PTPRT: variants seen among roughly 807,000 people sequenced by gnomAD.
PTPRT encodes protein tyrosine phosphatase receptor type T, also known as receptor-type tyrosine-protein phosphatase T.
In PTPRT, 56 loss-of-function variants were observed where a neutral mutation model predicts 176.8. The observed-to-expected ratio is 0.32, with a 90% confidence interval of 0.26 to 0.40. The LOEUF (loss-of-function observed/expected upper bound fraction) is 0.40. Ranked by LOEUF, PTPRT falls within the 10% of genes least tolerant of loss-of-function variation. The pLI is 1.00. For missense variants in PTPRT, 1,540 were observed against 1,908.2 expected, an observed-to-expected ratio of 0.81 and a Z score of 3.60; for synonymous variants, 783 against 739.0, an observed-to-expected ratio of 1.06 and a Z score of -0.96.
chr20:42,107,481 TC>T (rs1312034586), intron 23 of PTPRT, among the ~76,000 whole-genome samples: 2 of 152,228 alleles, frequency 1.3e-5, no homozygotes, highest in Non-Finnish European at 2.9e-5. Flanking sequence ...GGATCAAGTT[TC>T]TTGATACATA....
rs1280790254 is a variant in PTPRT at position 42,616,824 on chromosome 20, T to A, written c.1153+61042A>T. ...AATTTGCTGAAGTTGCTTAACAGCTTAAGGAGATTTTGGGCTGAGACAATG... is the reference window on the plus strand; with the variant it reads ...AATTTGCTGAAGTTGCTTAACAGCTAAAGGAGATTTTGGGCTGAGACAATG... On this transcript the variant is annotated intron_variant, in intron 7 of 30. Coordinates refer to ENST00000373187, the MANE Select transcript of PTPRT (RefSeq NM_007050.6). 2.5e-4 allele frequency among the ~76,000 whole-genome samples: 35 copies of A among 137,502 alleles called. 11 individuals are homozygous for A. Among genetic ancestry groups the A allele is most frequent in the African/African-American group, 1.1e-3 (33 of 31,298 alleles). The allele number at this position is 137,502 out of a possible 152,430, so 90.2% of individuals were successfully genotyped here.
At chr20:42,140,302 G>A (rs1012768217) in intron 18 of PTPRT, among the ~76,000 whole-genome samples, 1 of 152,138 alleles carries the variant, frequency 6.6e-6, no homozygotes, top group African/African-American at 2.4e-5. Context: ...CCATTGGTGA[G>A]ATGTCAAAAG....
intron 7 of PTPRT, among the ~76,000 whole-genome samples, chr20:42,632,273 C>T (rs898796765): frequency 6.6e-6 from 1 of 152,164 alleles, no homozygotes; most frequent in African/African-American, 2.4e-5. Context: ...GAGTCTCACT[C>T]TGTCGCCCAG....
At chr20:42,062,854 C>A in the PTPRT span, among the ~76,000 whole-genome samples, 2 of 152,222 alleles carry the variant, frequency 1.3e-5, no homozygotes, top group Non-Finnish European at 2.9e-5. Flanking sequence ...AAATGCATAG[C>A]CGCAGACCAG....
intron 11 of PTPRT, among the ~76,000 whole-genome samples, chr20:42,340,985 A>G (rs2058103073): frequency 6.6e-6 from 1 of 152,090 alleles, no homozygotes; most frequent in South Asian, 2.1e-4. Context: ...CTCCATCCTT[A>G]GTCTGGCCTC....
At chr20:42,703,319 A>G (rs931855392) in intron 6 of PTPRT, among the ~76,000 whole-genome samples, 9 of 152,214 alleles carry the variant, frequency 5.9e-5, no homozygotes, top group African/African-American at 2.2e-4. Context: ...AAACCTATTC[A>G]TTGACTATTT....
At chr20:42,230,013 A>C (rs1912325418) in intron 15 of PTPRT, among the ~76,000 whole-genome samples, 1 of 152,214 alleles carries the variant, frequency 6.6e-6, no homozygotes, top group African/African-American at 2.4e-5. Flanking sequence ...CTAATGAGCA[A>C]GCAACATCCT....
chr20:42,600,213 C>T (rs1020840446), intron 7 of PTPRT, among the ~76,000 whole-genome samples: 2 of 152,206 alleles, frequency 1.3e-5, no homozygotes, highest in African/African-American at 2.4e-5. Flanking sequence ...TATCTCAACT[C>T]ACTGTAACCT....
At chr20:42,927,093 A>C in intron 1 of PTPRT, among the ~76,000 whole-genome samples, 1 of 152,208 alleles carries the variant, frequency 6.6e-6, no homozygotes, top group East Asian at 1.9e-4. Flanking sequence ...ATGTCCACCA[A>C]GGAAAACCTG....
At chr20:42,201,950 C>CGTGTGTGTGT (rs11468258) in intron 15 of PTPRT, among the ~76,000 whole-genome samples, 16,184 of 143,058 alleles carry the variant, frequency 0.11, 1,164 homozygotes, top group East Asian at 0.27. Context: ...AGAAAAGTTG[C>CGTGTGTGTGT]GTGTGTGTGT....
intron 2 of PTPRT, among the ~76,000 whole-genome samples, chr20:42,883,416 T>C (rs2079035721): frequency 6.6e-6 from 1 of 151,850 alleles, no homozygotes; most frequent in Admixed American, 6.6e-5. Context: ...AAGAGAAACA[T>C]GGCCCCCCGG....
At chr20:42,081,797 T>C in intron 30 of PTPRT, 85 bp downstream of exon 30, 1 of 1,508,280 alleles carries the variant, frequency 6.6e-7, no homozygotes, top group South Asian at 1.2e-5. Context: ...AGGTGTTGAG[T>C]GATGTTACTA....
At chr20:42,939,236 C>A (rs1365240165) in intron 1 of PTPRT, among the ~76,000 whole-genome samples, 1 of 152,186 alleles carries the variant, frequency 6.6e-6, no homozygotes, top group African/African-American at 2.4e-5. Context: ...ATTTCCCCTG[C>A]CAAGCAAGGT....
chr20:42,385,996 C>A (rs2058740819), intron 9 of PTPRT, among the ~76,000 whole-genome samples: 1 of 152,136 alleles, frequency 6.6e-6, no homozygotes, highest in Non-Finnish European at 1.5e-5. Flanking sequence ...TAAATAGATA[C>A]CTTTGTCCTA....
chr20:42,515,597 T>C (rs867163712), intron 7 of PTPRT, among the ~76,000 whole-genome samples: 4 of 152,208 alleles, frequency 2.6e-5, no homozygotes, highest in South Asian at 4.1e-4. Flanking sequence ...GGTACAGAAA[T>C]GCAATGACTT....
intron 8 of PTPRT, among the ~76,000 whole-genome samples, chr20:42,449,093 T>C (rs1298184594): frequency 6.6e-6 from 1 of 152,142 alleles, no homozygotes; most frequent in African/African-American, 2.4e-5. Context: ...GCTTCATCAG[T>C]TTCTTGACTA....
intron 6 of PTPRT, among the ~76,000 whole-genome samples, chr20:42,747,642 T>C (rs958814466): frequency 4.6e-5 from 7 of 152,076 alleles, no homozygotes; most frequent in African/African-American, 1.4e-4. Context: ...TACATAATTA[T>C]CTGGAAGAAA....
At chr20:42,409,249 G>A (rs1373959114) in intron 9 of PTPRT, among the ~76,000 whole-genome samples, 3 of 152,076 alleles carry the variant, frequency 2.0e-5, no homozygotes, top group African/African-American at 7.2e-5. Flanking sequence ...TTGGGAGGCT[G>A]AGGCGGGTGG....
intron 12 of PTPRT, among the ~76,000 whole-genome samples, chr20:42,307,464 A>G (rs1394889940): frequency 6.6e-6 from 1 of 152,066 alleles, no homozygotes; most frequent in East Asian, 1.9e-4. Flanking sequence ...TTTCAAATAA[A>G]CTTCCTGATG....
Sources: gnomAD v4.1 joint callset for allele counts (sites outside exome capture counted in the v4.1 genomes callset) on GRCh38, gnomAD v4.1.1 for gene constraint, MANE v1.5 for transcripts, NCBI Gene and HGNC (gene_info 2026-07-23, HGNC 2026-07-21) for gene names.